Variants in MALRD1 observed in about 807,000 individuals in gnomAD.
MALRD1 encodes MAM and LDL receptor class A domain containing 1, also known as MAM and LDL-receptor class A domain-containing protein 1.
MALRD1 carries 247 observed loss-of-function variants against 242.1 expected under a neutral mutation model. That is an observed-to-expected ratio of 1.02 (90% confidence interval 0.92 to 1.13). The LOEUF is 1.13. MALRD1 is among the 50% of genes most tolerant of loss of function. The probability of loss-of-function intolerance (pLI) is 0.00; values close to 1 mark genes in which losing one functional copy is unlikely to be tolerated. For missense variants in MALRD1, 2,989 were observed against 2,533.1 expected (o/e 1.18, Z -3.86); for synonymous variants, 995 against 866.6 (o/e 1.15, Z -2.60).
At chr10:19,326,678 ACT>A (rs1235626880) in intron 22 of MALRD1, among the ~76,000 whole-genome samples, 1 of 151,992 alleles carries the variant, frequency 6.6e-6, no homozygotes, top group Non-Finnish European at 1.5e-5. Flanking sequence ...TTTTTCTATG[ACT>A]CTGGAAACTC....
chr10:19,237,772 A>C (rs1173476213), intron 18 of MALRD1, among the ~76,000 whole-genome samples: 1 of 119,284 alleles, frequency 8.4e-6, no homozygotes, highest in Non-Finnish European at 1.6e-5. Context: ...TATATATAAA[A>C]ACATAATTAT....
At chr10:19,488,356 A>G (rs562375307) in intron 29 of MALRD1, among the ~76,000 whole-genome samples, 1 of 152,306 alleles carries the variant, frequency 6.6e-6, no homozygotes, top group Admixed American at 6.5e-5. Context: ...AGGAGCTTGG[A>G]GTCTGGGGGG....
intron 5 of MALRD1, among the ~76,000 whole-genome samples, chr10:19,122,803 G>A (rs1481699744): frequency 6.6e-6 from 1 of 152,052 alleles, no homozygotes; most frequent in African/African-American, 2.4e-5. Flanking sequence ...TTTGCTCACT[G>A]CAACCTCCAC....
At chr10:19,187,905 A>C (rs1835808149) in intron 14 of MALRD1, among the ~76,000 whole-genome samples, 1 of 152,232 alleles carries the variant, frequency 6.6e-6, no homozygotes. Flanking sequence ...AGCATCGTGC[A>C]ACATTGCCAT....
intron 14 of MALRD1, among the ~76,000 whole-genome samples, chr10:19,176,203 A>G (rs948556355): frequency 3.9e-5 from 6 of 152,016 alleles, no homozygotes; most frequent in Non-Finnish European, 7.4e-5. Flanking sequence ...TACTTAAACA[A>G]CATATTTAGT....
chr10:19,326,075 G>A (rs1043415427), intron 22 of MALRD1, among the ~76,000 whole-genome samples: 3 of 152,070 alleles, frequency 2.0e-5, no homozygotes, highest in African/African-American at 7.2e-5. Flanking sequence ...TCTGAAAACA[G>A]TTAAAAAGTA....
chr10:19,349,650 T>A (rs1393212129), intron 25 of MALRD1, among the ~76,000 whole-genome samples: 1 of 152,166 alleles, frequency 6.6e-6, no homozygotes, highest in Non-Finnish European at 1.5e-5. Context: ...TTCTCAGGAA[T>A]AAAACCCAAG....
At chr10:19,088,307 G>A in intron 4 of MALRD1, 122 bp downstream of exon 4, 1 of 897,996 alleles carries the variant, frequency 1.1e-6, no homozygotes, top group Non-Finnish European at 1.5e-6. Flanking sequence ...GATTTCCCAG[G>A]ACTTTCAAAT....
Position 19,323,936 on chromosome 10 carries a change from A to T in MALRD1, c.3420-13A>T. 4 of 1,550,184 alleles carry T rather than the reference A, an allele frequency of 2.6e-6. No homozygotes were observed. Among genetic ancestry groups the T allele is most frequent in the Non-Finnish European group, 1.7e-6 (2 of 1,146,544 alleles). ...TCTTATTCCTTTTATAATATGATAA[A>T]TTCCTTTTCCAGAAATACCACTGAT... On this transcript the variant is annotated splice_polypyrimidine_tract_variant and intron_variant, in intron 21 of 39. Coordinates refer to ENST00000454679, the MANE Select transcript of MALRD1 (RefSeq NM_001142308.3).
intron 38 of MALRD1, among the ~76,000 whole-genome samples, chr10:19,701,898 G>A (rs530181113): frequency 1.5e-4 from 22 of 149,948 alleles, no homozygotes; most frequent in Non-Finnish European, 1.8e-4. Flanking sequence ...ATTAGAAATC[G>A]CAGTCAATAG....
At chr10:19,290,076 T>C (rs752727472) in intron 21 of MALRD1, 8 of 152,026 alleles carry the variant, frequency 5.3e-5, no homozygotes, top group Non-Finnish European at 8.8e-5. Context: ...TGTAGGGAAA[T>C]TTTCACTGTG....
Position 19,339,817 on chromosome 10 carries a change from G to A in MALRD1, c.3902-7954G>A, listed in dbSNP as rs557420334. Among the ~76,000 whole-genome samples, 36 of 152,234 alleles carry A rather than the reference G, an allele frequency of 2.4e-4. No homozygotes were observed. In the South Asian group the frequency reaches 5.4e-3, roughly 23 times the overall value. On this transcript the variant is annotated intron_variant, in intron 24 of 39. Coordinates refer to ENST00000454679, the MANE Select transcript of MALRD1 (RefSeq NM_001142308.3). ...TAGTTCATTCTCACGCTGCTATAAA[G>A]ACATATTTGAGACTGGGTAATTTAA...
intron 18 of MALRD1, among the ~76,000 whole-genome samples, chr10:19,255,020 A>G (rs1370956215): frequency 6.6e-6 from 1 of 152,106 alleles, no homozygotes; most frequent in East Asian, 1.9e-4. Context: ...AAGTTGCTAG[A>G]GCCCCATTAA....
intron 36 of MALRD1, chr10:19,633,840 C>CTTTTTTTTTTTTTTT (rs1041174965): frequency 2.4e-5 from 3 of 126,542 alleles, no homozygotes; most frequent in Non-Finnish European, 4.9e-5. Flanking sequence ...TCTTTTCTTT[C>CTTTTTTTTTTTTTTT]TTTTTTTTTT....
intron 13 of MALRD1, among the ~76,000 whole-genome samples, chr10:19,172,140 CATACATAT>C (rs1244453495): frequency 1.0e-4 from 15 of 145,108 alleles, no homozygotes; most frequent in Admixed American, 2.8e-4. Context: ...CATATATACA[CATACATAT>C]ATACATATAT....
At chr10:19,351,058 C>G (rs777395990) in intron 25 of MALRD1, among the ~76,000 whole-genome samples, 2 of 152,172 alleles carry the variant, frequency 1.3e-5, no homozygotes, top group African/African-American at 2.4e-5. Context: ...GCATGGCTCA[C>G]CCATTCTTGG....
intron 8 of MALRD1, among the ~76,000 whole-genome samples, chr10:19,132,390 G>C (rs1487413572): frequency 6.6e-6 from 1 of 152,194 alleles, no homozygotes; most frequent in Non-Finnish European, 1.5e-5. Context: ...CACCCCGTGT[G>C]CTTCACTGTC....
intron 38 of MALRD1, among the ~76,000 whole-genome samples, chr10:19,726,115 A>G (rs1313941817): frequency 1.3e-5 from 2 of 152,230 alleles, no homozygotes; most frequent in African/African-American, 4.8e-5. Context: ...ACTTTATCAA[A>G]ATCAAAAACT....
At chr10:19,669,368 A>G (rs1489571400) in intron 36 of MALRD1, among the ~76,000 whole-genome samples, 1 of 152,196 alleles carries the variant, frequency 6.6e-6, no homozygotes, top group Non-Finnish European at 1.5e-5. Context: ...CTCTAGCAAA[A>G]TGAGGGAGGA....
Sources: allele counts gnomAD v4.1 joint callset (sites outside exome capture counted in the v4.1 genomes callset), GRCh38; gene constraint gnomAD v4.1.1; transcripts MANE v1.5; gene names NCBI Gene and HGNC (gene_info 2026-07-23, HGNC 2026-07-21).